Variants in ATF2 observed in about 807,000 individuals in gnomAD.
ATF2 encodes the protein cyclic AMP-dependent transcription factor ATF-2.
ATF2 carries 24 observed loss-of-function variants against 60.6 expected under a neutral mutation model. The observed-to-expected ratio is 0.40, with a 90% CI of 0.29 to 0.56. ATF2 has a LOEUF of 0.56. Among genes scored for constraint, ATF2 ranks in the 20% least tolerant of loss-of-function variants. The pLI is 0.54. For missense variants in ATF2, 433 were observed against 607.7 expected, an observed-to-expected ratio of 0.71 and a Z score of 3.02; for synonymous variants, 206 against 215.4, an observed-to-expected ratio of 0.96 and a Z score of 0.38.
At chr2:175,158,048 A>G (rs886200082) in intron 1 of ATF2, among the ~76,000 whole-genome samples, 1 of 152,032 alleles carries the variant, frequency 6.6e-6, no homozygotes, top group African/African-American at 2.4e-5. Flanking sequence ...GGTGAACTGA[A>G]GCAGGATACG....
At chr2:175,089,048 C>T (rs1276002782) in intron 12 of ATF2, among the ~76,000 whole-genome samples, 3 of 151,842 alleles carry the variant, frequency 2.0e-5, no homozygotes, top group East Asian at 1.9e-4. Flanking sequence ...GGTGTGGTGG[C>T]GCATGCCTGT....
At chr2:175,130,277 A>C in intron 3 of ATF2, 70 bp from the exon 4 acceptor site, 3 of 1,026,138 alleles carry the variant, frequency 2.9e-6, no homozygotes, top group Non-Finnish European at 2.7e-6. Context: ...TATAAATCTC[A>C]AGATTTTTCA....
At chr2:175,158,374 C>CA (rs1699814798) in intron 1 of ATF2, among the ~76,000 whole-genome samples, 1 of 151,794 alleles carries the variant, frequency 6.6e-6, no homozygotes, top group East Asian at 1.9e-4. Flanking sequence ...CACAGGTACA[C>CA]ATGCCACCAC....
chr2:175,165,660 G>A (rs1019125802), intron 1 of ATF2, among the ~76,000 whole-genome samples: 1 of 152,168 alleles, frequency 6.6e-6, no homozygotes, highest in African/African-American at 2.4e-5. Flanking sequence ...TTAAAATGCT[G>A]ACAACCATTT....
In ATF2 at chr2:175,099,467, T is replaced by C. The variant is rs368101433; in HGVS notation, c.829-1874A>G. ...ACCCTACAATCAGGATACACAGCAG[T>C]TTTACCACAATAAAATCCTCATGCC... On this transcript the variant is annotated intron_variant, in intron 10 of 13. Transcript: ENST00000264110. Among the ~76,000 whole-genome samples, 212 of 152,248 alleles carry C rather than the reference T, an allele frequency of 1.4e-3. 5 individuals are homozygous for C. The South Asian group carries it at 0.042, about 31-fold the overall frequency.
chr2:175,093,654 C>T (rs1051958527), intron 11 of ATF2, among the ~76,000 whole-genome samples: 2 of 151,946 alleles, frequency 1.3e-5, no homozygotes, highest in Non-Finnish European at 2.9e-5. Flanking sequence ...TTTCTCAAAA[C>T]GTTTAATAAC....
chr2:175,158,505 A>C (rs1331209719), intron 1 of ATF2, among the ~76,000 whole-genome samples: 1 of 152,112 alleles, frequency 6.6e-6, no homozygotes, highest in South Asian at 2.1e-4. Context: ...TGGATAACTT[A>C]AAATGGATAT....
chr2:175,140,052 G>C (rs1414984211), intron 2 of ATF2, among the ~76,000 whole-genome samples: 14 of 151,988 alleles, frequency 9.2e-5, no homozygotes, highest in Admixed American at 9.2e-4. Context: ...AAATACATCA[G>C]GAAATCAGGA....
At chr2:175,140,197 C>G (rs1698408081) in intron 2 of ATF2, among the ~76,000 whole-genome samples, 1 of 152,116 alleles carries the variant, frequency 6.6e-6, no homozygotes, top group Non-Finnish European at 1.5e-5. Context: ...AAAAAATCAG[C>G]TAGGCGAAAA....
At chr2:175,078,006 C>T (rs1398118340) in intron 13 of ATF2, among the ~76,000 whole-genome samples, 1 of 152,176 alleles carries the variant, frequency 6.6e-6, no homozygotes, top group Non-Finnish European at 1.5e-5. Context: ...GTCTCCCTGT[C>T]GCCCAGGCTG....
intron 12 of ATF2, among the ~76,000 whole-genome samples, chr2:175,088,486 T>C (rs993452903): frequency 2.6e-5 from 4 of 152,160 alleles, no homozygotes; most frequent in Non-Finnish European, 4.4e-5. Context: ...ATTCTCTAGC[T>C]ATAAAAGTGT....
chr2:175,091,070 T>C (rs1694514843), intron 12 of ATF2, among the ~76,000 whole-genome samples: 1 of 152,210 alleles, frequency 6.6e-6, no homozygotes, highest in African/African-American at 2.4e-5. Context: ...CTTGCCCAGC[T>C]TAAAATCCCT....
intron 5 of ATF2, 28 bp downstream of exon 5, chr2:175,121,416 C>G: frequency 6.7e-7 from 1 of 1,488,196 alleles, no homozygotes; most frequent in Non-Finnish European, 9.2e-7. Flanking sequence ...AATATGTATA[C>G]AAGCTATTAA....
At chr2:175,083,569 A>G (rs1353990097) in intron 12 of ATF2, among the ~76,000 whole-genome samples, 1 of 152,218 alleles carries the variant, frequency 6.6e-6, no homozygotes, top group Admixed American at 6.5e-5. Flanking sequence ...ATTACCATTC[A>G]GGACATAGGC....
chr2:175,164,076 G>A (rs868424414), intron 1 of ATF2, among the ~76,000 whole-genome samples: 58 of 149,084 alleles, frequency 3.9e-4, no homozygotes, highest in African/African-American at 1.1e-3. Context: ...AAATAGGCCC[G>A]GGTGCAGTGG....
intron 3 of ATF2, among the ~76,000 whole-genome samples, 196 bp downstream of exon 3, chr2:175,136,216 T>C (rs538769027): frequency 2.0e-5 from 3 of 152,270 alleles, no homozygotes; most frequent in African/African-American, 7.2e-5. Flanking sequence ...CTGTCATAGC[T>C]AAGTGTACTT....
intron 11 of ATF2, among the ~76,000 whole-genome samples, chr2:175,094,640 C>G (rs1231188122): frequency 3.3e-5 from 5 of 151,996 alleles, no homozygotes; most frequent in African/African-American, 4.8e-5. Context: ...GGTAAATTAC[C>G]AAACTATTTT....
chr2:175,122,817 C>T (rs747566278), intron 4 of ATF2, among the ~76,000 whole-genome samples: 9 of 151,824 alleles, frequency 5.9e-5, no homozygotes, highest in Non-Finnish European at 1.2e-4. Flanking sequence ...GAATTCATTA[C>T]AATAAAATAG....
intron 7 of ATF2, 127 bp downstream of exon 7, chr2:175,117,863 T>C: frequency 9.3e-7 from 1 of 1,073,064 alleles, no homozygotes; most frequent in African/African-American, 1.6e-5. Context: ...ATTGACAGGC[T>C]TTCACATATA....
Sources: gnomAD v4.1 joint callset for allele counts (sites outside exome capture counted in the v4.1 genomes callset) on GRCh38, gnomAD v4.1.1 for gene constraint, MANE v1.5 for transcripts, NCBI Gene and HGNC (gene_info 2026-07-23, HGNC 2026-07-21) for gene names.